Variants in TPGS1 observed in about 807,000 individuals in gnomAD.
TPGS1 encodes the protein tubulin polyglutamylase complex subunit 1.
Under a neutral mutation model 11.9 loss-of-function variants are expected in TPGS1, and 18 were observed. The ratio of observed to expected loss-of-function variants is 1.51; its 90% CI spans 1.04 to 2.24. The LOEUF (loss-of-function observed/expected upper bound fraction) is 2.24, where lower values mean the gene tolerates loss of function less well. TPGS1 is among the 30% of genes most tolerant of loss of function. The pLI, the probability that TPGS1 is intolerant of heterozygous loss-of-function variation, is 0.00. For missense variants in TPGS1, 500 were observed against 443.0 expected, an observed-to-expected ratio of 1.13 and a Z score of -1.16; for synonymous variants, 247 against 218.2, an observed-to-expected ratio of 1.13 and a Z score of -1.16.
rs1323660325 is a variant in TPGS1, at chr19:518,930, TGAGCGCCGGCGGGCGCAGGAAGA to T, written c.382_404del (p.Ser128AlafsTer37). 1 of 1,577,708 alleles carries T rather than the reference TGAGCGCCGGCGGGCGCAGGAAGA, an allele frequency of 6.3e-7. No homozygotes were observed. Among genetic ancestry groups the T allele is most frequent in the East Asian group, 2.3e-5 (1 of 43,772 alleles). On this transcript the variant is annotated frameshift_variant, in exon 2 of 2. Coordinates refer to ENST00000359315, the MANE Select transcript of TPGS1 (RefSeq NM_033513.3). LOFTEE classifies it high-confidence loss of function. ...AACGTGAGCGTGGCCTACGAGTGCC[TGAGCGCCGGCGGGCGCAGGAAGA>T]GGCCGGGGCTGGACGGGCGCACCTA...
At chr19:518,464 T>G (rs1600405355) in intron 1 of TPGS1, among the ~76,000 whole-genome samples, 1 of 45,424 alleles carries the variant, frequency 2.2e-5, no homozygotes. Flanking sequence ...AGGCCAGGGC[T>G]GGGAGGGGGC....
chr19:516,529 C>T (rs1053989070), intron 1 of TPGS1, among the ~76,000 whole-genome samples: 10 of 152,098 alleles, frequency 6.6e-5, no homozygotes, highest in Non-Finnish European at 5.9e-5. Flanking sequence ...GGACTACAGA[C>T]GTGTACCACC....
chr19:511,758 A>G (rs1490202761), intron 1 of TPGS1, among the ~76,000 whole-genome samples: 1 of 152,262 alleles, frequency 6.6e-6, no homozygotes, highest in Admixed American at 6.5e-5. Flanking sequence ...ATCCCGGCCC[A>G]CAGACCTGTC....
chr19:507,910 C>G, intron 1 of TPGS1, 66 bp downstream of exon 1: 1 of 1,221,424 alleles, frequency 8.2e-7, no homozygotes, highest in Non-Finnish European at 1.0e-6. Context: ...ATGCCGCGCG[C>G]GGCTCCCTAC....
chr19:511,861 C>T (rs1290030284), intron 1 of TPGS1, among the ~76,000 whole-genome samples: 1 of 147,936 alleles, frequency 6.8e-6, no homozygotes, highest in Non-Finnish European at 1.5e-5. Flanking sequence ...CTGCAGGGGA[C>T]GTCCAGTTGT....
rs1436284052 is a variant in TPGS1 at position 507,717 on chromosome 19, T to A, written c.211T>A (p.Phe71Ile). Residue 71 changes from phenylalanine to isoleucine, a missense_variant, in exon 1 of 2, where the codon TTC becomes ATC. Physicochemically the swap from Phe to Ile is conservative, Grantham distance 21. Transcript: ENST00000359315. ...GCCGATCGCCTTCCTGGCTCACTACTTCGAGAACATGGGCCTGCGCTCGCC... is the reference window on the plus strand; with the variant it reads ...GCCGATCGCCTTCCTGGCTCACTACATCGAGAACATGGGCCTGCGCTCGCC... ...EEPIAFLAHY[F>I]ENMGLRSPVN... 5 of 1,401,278 alleles carry A rather than the reference T, an allele frequency of 3.6e-6. No homozygotes were observed. The highest frequency in any genetic ancestry group is 3.3e-5 in the Admixed American group (1 of 30,674). The allele number at this position is 1,401,278 out of a possible 1,614,324, so 86.8% of individuals were successfully genotyped here.
chr19:516,388 CTTTT>C (rs758220492), intron 1 of TPGS1, among the ~76,000 whole-genome samples: 3 of 144,382 alleles, frequency 2.1e-5, no homozygotes, highest in Non-Finnish European at 4.6e-5. Flanking sequence ...TTTTCTTTTT[CTTTT>C]TTTTTTTTTT....
rs745901192 is a variant in TPGS1, at chr19:518,911, A to G, written c.361A>G (p.Ser121Gly). 3.2e-6 allele frequency: 5 copies of G among 1,560,528 alleles called. No individual in the cohort carries two copies. The highest frequency in any genetic ancestry group is 4.3e-6 in the Non-Finnish European group (5 of 1,160,988). Residue 121 changes from serine to glycine, a missense_variant, in exon 2 of 2, where the codon AGC (serine) becomes GGC (glycine). By Grantham distance (56) the Ser-to-Gly change is moderately conservative (BLOSUM62 0). Transcript: ENST00000359315. ...CAGGGCCGCCTTCAACAACAACGTG[A>G]GCGTGGCCTACGAGTGCCTGAGCGC... Reference protein sequence around the residue: ...SQRAAFNNNVSVAYECLSAGG... With the variant: ...SQRAAFNNNVGVAYECLSAGG...
intron 1 of TPGS1, chr19:510,516 C>T (rs557843238): frequency 6.6e-6 from 1 of 151,354 alleles, no homozygotes; most frequent in Non-Finnish European, 1.5e-5. Context: ...ACCCCAGATC[C>T]TCCCTGGCAC....
At chr19:515,400 CAAAAAAAA>C (rs71333289) in intron 1 of TPGS1, among the ~76,000 whole-genome samples, 129 of 95,110 alleles carry the variant, frequency 1.4e-3, no homozygotes, top group African/African-American at 4.1e-3. Flanking sequence ...GACCCTGTCT[CAAAAAAAA>C]AAAAAAAAGA....
intron 1 of TPGS1, among the ~76,000 whole-genome samples, chr19:517,344 G>C (rs1978982436): frequency 9.0e-6 from 1 of 110,780 alleles, no homozygotes; most frequent in Admixed American, 1.0e-4. Flanking sequence ...AGCCAGGGCT[G>C]GATGGGAGCT....
rs1376814434 is a variant in TPGS1 at position 512,974 on chromosome 19, C to A, written c.338+5130C>A. Among the ~76,000 whole-genome samples the A allele has an allele frequency of 2.0e-5, 3 of 152,346 alleles. No individual in the cohort carries two copies. In the East Asian group the frequency reaches 5.8e-4, roughly 29 times the overall value. ...TCCCCTGCGGGGGACTGGGCCGCCT[C>A]GCGTCGAGCCCCGGGGGAGTGTGGC... is the stretch of plus-strand genomic sequence containing the variant. On this transcript the variant is annotated intron_variant, in intron 1 of 1. Coordinates refer to ENST00000359315, the MANE Select transcript of TPGS1 (RefSeq NM_033513.3).
At chr19:518,094 G>C (rs1979018571) in intron 1 of TPGS1, among the ~76,000 whole-genome samples, 1 of 125,360 alleles carries the variant, frequency 8.0e-6, no homozygotes, top group African/African-American at 3.1e-5. Flanking sequence ...TGGGAGGAGG[G>C]AGCCCCGGGC....
intron 1 of TPGS1, chr19:510,098 G>A (rs1978739004): frequency 6.6e-6 from 1 of 152,502 alleles, no homozygotes; most frequent in African/African-American, 2.4e-5. Context: ...GAGCAGCCGG[G>A]CGCGGTGGCT....
intron 1 of TPGS1, among the ~76,000 whole-genome samples, chr19:514,425 G>A (rs1361717419): frequency 6.6e-6 from 1 of 150,848 alleles, no homozygotes; most frequent in South Asian, 2.1e-4. Context: ...TTGCACACCA[G>A]CCCCACATTT....
At chr19:509,129 G>C (rs772693301) in intron 1 of TPGS1, 3 of 152,298 alleles carry the variant, frequency 2.0e-5, no homozygotes, top group Non-Finnish European at 4.4e-5. Context: ...AGACTGAACT[G>C]GAGGGGTCCT....
At chr19:515,400 CAAAAAAA>C (rs71333289) in intron 1 of TPGS1, among the ~76,000 whole-genome samples, 6 of 95,096 alleles carry the variant, frequency 6.3e-5, no homozygotes, top group East Asian at 3.0e-4. Context: ...GACCCTGTCT[CAAAAAAA>C]AAAAAAAAAG....
At chr19:512,249 G>T (rs1211004815) in intron 1 of TPGS1, among the ~76,000 whole-genome samples, 2 of 152,068 alleles carry the variant, frequency 1.3e-5, no homozygotes, top group African/African-American at 2.4e-5. Context: ...CTGCAGCCTC[G>T]ACCGCCTGGG....
intron 1 of TPGS1, among the ~76,000 whole-genome samples, chr19:515,438 T>A (rs1446253038): frequency 6.7e-6 from 1 of 149,102 alleles, no homozygotes; most frequent in Non-Finnish European, 1.5e-5. Context: ...ATGTCAGCTG[T>A]GTTAAATGTT....
Sources: allele counts gnomAD v4.1 joint callset (sites outside exome capture counted in the v4.1 genomes callset), GRCh38; gene constraint gnomAD v4.1.1; transcripts MANE v1.5; gene names NCBI Gene and HGNC (gene_info 2026-07-23, HGNC 2026-07-21).